Variants in RAD51B observed in about 807,000 individuals in gnomAD.
RAD51B encodes the protein RAD51 paralog B.
RAD51B carries 38 observed loss-of-function variants against 42.2 expected under a neutral mutation model. That is an observed-to-expected ratio of 0.90 (90% confidence interval 0.70 to 1.18). The LOEUF is 1.18. RAD51B is among the 50% of genes most tolerant of loss of function. The pLI is 0.00. For synonymous variants in RAD51B, 154 were observed against 145.2 expected, an observed-to-expected ratio of 1.06 and a Z score of -0.43; for missense variants, 373 against 400.7, an observed-to-expected ratio of 0.93 and a Z score of 0.59.
intron 11 of RAD51B, among the ~76,000 whole-genome samples, chr14:68,671,218 A>G (rs966309925): frequency 3.9e-5 from 6 of 152,232 alleles, no homozygotes; most frequent in African/African-American, 1.4e-4. Flanking sequence ...TAGGTGGGCC[A>G]GTTGAGGAAG....
chr14:68,386,093 A>T (rs1438636784), intron 8 of RAD51B, among the ~76,000 whole-genome samples: 1 of 152,132 alleles, frequency 6.6e-6, no homozygotes, highest in Non-Finnish European at 1.5e-5. Flanking sequence ...ATGTGATCTC[A>T]TCAACATTTA....
intron 7 of RAD51B, among the ~76,000 whole-genome samples, chr14:68,103,549 G>A (rs2077326528): frequency 2.0e-5 from 3 of 152,186 alleles, no homozygotes; most frequent in Non-Finnish European, 1.5e-5. Context: ...CGAATATAGT[G>A]TGGGTTGCTT....
At chr14:68,425,972 C>CTTTCTTTCTTTCTTTCTT in intron 9 of RAD51B, among the ~76,000 whole-genome samples, 1 of 121,068 alleles carries the variant, frequency 8.3e-6, no homozygotes, top group South Asian at 2.7e-4. Flanking sequence ...TTCTTTCTTT[C>CTTTCTTTCTTTCTTTCTT]TTTCTTCCTT....
Position 68,169,615 on chromosome 14 carries a change from CT to C in RAD51B, c.757-122268del, listed in dbSNP as rs548489573. Reference sequence around the variant, plus strand: ...GTCTGATATCTTGTATCACACATAACTCTCTGTGTAGATGTTGCTGAGTCCT... The same window carrying C: ...GTCTGATATCTTGTATCACACATAACCTCTGTGTAGATGTTGCTGAGTCCT... On this transcript the variant is annotated intron_variant, in intron 7 of 10. Coordinates refer to ENST00000471583, the MANE Select transcript of RAD51B (RefSeq NM_133510.4). 8.1e-4 allele frequency among the ~76,000 whole-genome samples: 124 copies of C among 152,176 alleles called. 1 individual carries two copies. Among genetic ancestry groups the C allele is most frequent in the Middle Eastern group, 3.4e-3 (1 of 294 alleles).
intron 10 of RAD51B, among the ~76,000 whole-genome samples, chr14:68,531,386 A>G (rs1188474478): frequency 6.6e-6 from 1 of 152,158 alleles, no homozygotes; most frequent in African/African-American, 2.4e-5. Context: ...CACTTAGGCC[A>G]AACCACACAA....
intron 7 of RAD51B, among the ~76,000 whole-genome samples, chr14:67,987,675 A>G (rs986343577): frequency 1.3e-5 from 2 of 152,210 alleles, no homozygotes; most frequent in African/African-American, 2.4e-5. Context: ...GGCAATTACT[A>G]TCTCAGTTGA....
At chr14:68,008,965 T>A (rs75197599) in intron 7 of RAD51B, among the ~76,000 whole-genome samples, 134 of 152,092 alleles carry the variant, frequency 8.8e-4, no homozygotes, top group Non-Finnish European at 1.6e-3. Context: ...ATTTGAGTAG[T>A]TCTCTTTCAC....
intron 7 of RAD51B, among the ~76,000 whole-genome samples, chr14:68,204,283 CAG>C (rs2079544311): frequency 6.6e-6 from 1 of 152,120 alleles, no homozygotes; most frequent in African/African-American, 2.4e-5. Flanking sequence ...GGTATTGTCT[CAG>C]GGAATAGAGA....
At chr14:68,342,099 T>C (rs545054129) in intron 8 of RAD51B, among the ~76,000 whole-genome samples, 3 of 152,326 alleles carry the variant, frequency 2.0e-5, no homozygotes, top group African/African-American at 7.2e-5. Context: ...ACCCCTTGAC[T>C]CTATCACATG....
At chr14:67,871,370 T>G (rs2042525572) in intron 5 of RAD51B, among the ~76,000 whole-genome samples, 1 of 152,062 alleles carries the variant, frequency 6.6e-6, no homozygotes, top group Non-Finnish European at 1.5e-5. Context: ...ACATACACTC[T>G]CCCAAGACTA....
chr14:68,604,755 C>A (rs544024842), intron 10 of RAD51B, among the ~76,000 whole-genome samples: 25 of 152,346 alleles, frequency 1.6e-4, no homozygotes, highest in African/African-American at 5.8e-4. Flanking sequence ...CTCAGGCTCA[C>A]TGAGGACAGG....
At chr14:68,537,725 C>A (rs1247047467) in intron 10 of RAD51B, among the ~76,000 whole-genome samples, 1 of 152,122 alleles carries the variant, frequency 6.6e-6, no homozygotes, top group Non-Finnish European at 1.5e-5. Context: ...TTGAGTGAGA[C>A]CTTCACATAT....
chr14:67,918,760 A>G (rs1247382195), intron 7 of RAD51B, among the ~76,000 whole-genome samples: 1 of 152,240 alleles, frequency 6.6e-6, no homozygotes, highest in East Asian at 1.9e-4. Context: ...TAGACAAGGA[A>G]GCAATACCTT....
rs118112416 is a variant in RAD51B at position 68,512,837 on chromosome 14, A to C, written c.1036+44587A>C. On this transcript the variant is annotated intron_variant, in intron 10 of 10. Coordinates refer to the RAD51B transcript ENST00000487270. ...GTTAAGAGATGGCAGTGAGGGGTGC[A>C]CTATTTTACACACAGTGGGGTCAGG... Among the ~76,000 whole-genome samples the C allele has an allele frequency of 0.046, 7,045 of 152,180 alleles. 195 individuals are homozygous for C. The highest frequency in any genetic ancestry group is 0.063 in the Non-Finnish European group (4,318 of 68,006).
At chr14:67,908,289 G>C (rs540641136) in intron 7 of RAD51B, 3 of 152,262 alleles carry the variant, frequency 2.0e-5, no homozygotes, top group Non-Finnish European at 4.4e-5. Flanking sequence ...TTGGGACTGA[G>C]GTATGGGCTT....
At chr14:68,049,917 A>G (rs533668064) in intron 7 of RAD51B, among the ~76,000 whole-genome samples, 4 of 152,252 alleles carry the variant, frequency 2.6e-5, no homozygotes, top group Non-Finnish European at 2.9e-5. Flanking sequence ...ACAACCTTAC[A>G]CTTTTATTTC....
At chr14:68,144,771 A>G (rs1014789977) in intron 7 of RAD51B, among the ~76,000 whole-genome samples, 2 of 152,192 alleles carry the variant, frequency 1.3e-5, no homozygotes, top group East Asian at 3.8e-4. Context: ...TTTGTGTTTT[A>G]TTTAAAATAA....
chr14:68,476,171 A>G (rs1207966612), intron 10 of RAD51B, among the ~76,000 whole-genome samples: 1 of 152,198 alleles, frequency 6.6e-6, no homozygotes, highest in African/African-American at 2.4e-5. Context: ...AGTGGAATAT[A>G]GAAGGATAAA....
rs542701282 is a variant in RAD51B, at chr14:67,841,652, C to T, written c.315+6456C>T. On this transcript the variant is annotated intron_variant, in intron 4 of 10. Transcript: ENST00000471583. ...TCTGCATATGGCTAGCTGGTAATCT[C>T]AGCAGCATTTATTGAATAGGAAGTC... Among the ~76,000 whole-genome samples, 505 of 151,724 alleles carry T rather than the reference C, an allele frequency of 3.3e-3. 6 individuals are homozygous for T. Among genetic ancestry groups the T allele is most frequent in the African/African-American group, 0.012 (474 of 41,130 alleles).
Sources: gnomAD v4.1 joint callset for allele counts (sites outside exome capture counted in the v4.1 genomes callset) on GRCh38, gnomAD v4.1.1 for gene constraint, MANE v1.5 for transcripts, NCBI Gene and HGNC (gene_info 2026-07-23, HGNC 2026-07-21) for gene names.